The following TENM4 variants were observed in gnomAD, a reference collection of about 807,000 sequenced individuals.
The protein encoded by TENM4 is teneurin-4.
In TENM4, 82 loss-of-function variants were observed where a neutral mutation model predicts 243.3. The ratio of observed to expected loss-of-function variants is 0.34; its 90% CI spans 0.28 to 0.40. The LOEUF (loss-of-function observed/expected upper bound fraction) is 0.40. TENM4 is among the 10% of genes least tolerant of loss of function. TENM4 has a pLI of 1.00. For synonymous variants in TENM4, 1,412 were observed against 1,456.3 expected (o/e 0.97, Z 0.69); for missense variants, 3,138 against 3,673.3 (o/e 0.85, Z 3.77).
At chr11:79,047,083 G>T (rs1462513786) in intron 6 of TENM4, among the ~76,000 whole-genome samples, 2 of 152,158 alleles carry the variant, frequency 1.3e-5, no homozygotes, top group African/African-American at 4.8e-5. Flanking sequence ...CTGTGAAAAG[G>T]TTTCACGGCA....
chr11:79,324,894 C>G (rs1370839138), intron 1 of TENM4, among the ~76,000 whole-genome samples: 1 of 152,088 alleles, frequency 6.6e-6, no homozygotes, highest in Non-Finnish European at 1.5e-5. Context: ...GCTGCTCTGC[C>G]TTAGGAGTCA....
chr11:79,159,289 C>A (rs1862692374), intron 3 of TENM4, among the ~76,000 whole-genome samples: 1 of 152,156 alleles, frequency 6.6e-6, no homozygotes, highest in Admixed American at 6.5e-5. Flanking sequence ...ATCGATTGAT[C>A]ACCAAATAAA....
At chr11:79,205,561 G>A (rs1687679215) in intron 3 of TENM4, among the ~76,000 whole-genome samples, 1 of 152,180 alleles carries the variant, frequency 6.6e-6, no homozygotes, top group Non-Finnish European at 1.5e-5. Flanking sequence ...AATGAAATCA[G>A]ACAGTAGTTA....
intron 6 of TENM4, among the ~76,000 whole-genome samples, chr11:78,936,884 G>A (rs1856797707): frequency 6.6e-6 from 1 of 152,116 alleles, no homozygotes; most frequent in Non-Finnish European, 1.5e-5. Flanking sequence ...CAAAATCAAG[G>A]TGGGGTTCAC....
At chr11:78,944,882 G>A (rs1856977727) in intron 6 of TENM4, among the ~76,000 whole-genome samples, 1 of 152,222 alleles carries the variant, frequency 6.6e-6, no homozygotes, top group Non-Finnish European at 1.5e-5. Flanking sequence ...CTGCCAGTAA[G>A]TGGCATGGCT....
At chr11:79,197,592 C>A (rs1423354824) in intron 3 of TENM4, among the ~76,000 whole-genome samples, 1 of 152,196 alleles carries the variant, frequency 6.6e-6, no homozygotes, top group Admixed American at 6.5e-5. Context: ...CTAATCCTTT[C>A]CACTTCCATC....
chr11:79,264,198 T>C (rs1855844357), intron 2 of TENM4, among the ~76,000 whole-genome samples: 1 of 152,170 alleles, frequency 6.6e-6, no homozygotes, highest in Admixed American at 6.5e-5. Flanking sequence ...ACGGGAGCAG[T>C]GAAAACATGG....
intron 3 of TENM4, among the ~76,000 whole-genome samples, chr11:79,192,451 T>G (rs1863534780): frequency 6.6e-6 from 1 of 152,230 alleles, no homozygotes; most frequent in African/African-American, 2.4e-5. Flanking sequence ...GGGATCCTGT[T>G]GATCTGTGAC....
At position 79,011,895 on chromosome 11, in the gene TENM4, T is replaced by C. The variant is rs578090092; in HGVS notation, c.493+52843A>G. 2.6e-5 allele frequency among the ~76,000 whole-genome samples: 4 copies of C among 152,356 alleles called. 1 individual carries two copies. Among genetic ancestry groups the C allele is most frequent in the Admixed American group, 2.6e-4 (4 of 15,304 alleles). On this transcript the variant is annotated intron_variant, in intron 6 of 33. Transcript: ENST00000278550. ...CTCTGTCATTCTGATTCAGACTAAATACCGATACAGTTCCTTCTCAGTTCC... is the reference window on the plus strand; with the variant it reads ...CTCTGTCATTCTGATTCAGACTAAACACCGATACAGTTCCTTCTCAGTTCC...
Position 79,306,075 on chromosome 11 carries a change from C to T in TENM4, c.-320-8532G>A, listed in dbSNP as rs141738134. 2.3e-4 allele frequency among the ~76,000 whole-genome samples: 35 copies of T among 152,364 alleles called. No homozygotes were observed. In the East Asian group the frequency reaches 3.7e-3, roughly 16 times the overall value. ...CCTGCACCACTCAAGTCTGGAGCCACGGACAGGGTGACTGGGCTGCTGCCC... is the reference window on the plus strand; with the variant it reads ...CCTGCACCACTCAAGTCTGGAGCCATGGACAGGGTGACTGGGCTGCTGCCC... On this transcript the variant is annotated intron_variant, in intron 1 of 33. Transcript: ENST00000278550.
At chr11:79,082,107 G>T (rs369574465) in intron 4 of TENM4, among the ~76,000 whole-genome samples, 78 of 152,258 alleles carry the variant, frequency 5.1e-4, no homozygotes, top group African/African-American at 1.7e-3. Flanking sequence ...TGCATCCAGG[G>T]TTTGCTGGGT....
At chr11:79,173,468 G>A (rs867242066) in intron 3 of TENM4, among the ~76,000 whole-genome samples, 2 of 151,980 alleles carry the variant, frequency 1.3e-5, no homozygotes, top group African/African-American at 4.8e-5. Flanking sequence ...CTCATCCAAC[G>A]TGGCCTATCA....
chr11:79,351,881 T>C (rs896280761), intron 1 of TENM4, among the ~76,000 whole-genome samples: 2 of 152,142 alleles, frequency 1.3e-5, no homozygotes. Flanking sequence ...TCAACAAGCC[T>C]AGATTGGAGC....
chr11:79,429,435 G>A (rs1859122204), intron 1 of TENM4, among the ~76,000 whole-genome samples: 1 of 152,096 alleles, frequency 6.6e-6, no homozygotes, highest in Non-Finnish European at 1.5e-5. Flanking sequence ...GGAGATAGTG[G>A]GGAAAAGAGC....
chr11:79,137,040 G>A (rs534062972), intron 4 of TENM4, among the ~76,000 whole-genome samples: 1 of 152,188 alleles, frequency 6.6e-6, no homozygotes, highest in African/African-American at 2.4e-5. Flanking sequence ...AGGAATCAGG[G>A]GGTGGAAGTG....
intron 6 of TENM4, among the ~76,000 whole-genome samples, chr11:79,032,802 A>C (rs1339513499): frequency 6.6e-6 from 1 of 152,236 alleles, no homozygotes; most frequent in Non-Finnish European, 1.5e-5. Flanking sequence ...AGGAAAGGCG[A>C]TACTAATAAA....
chr11:79,102,623 C>T (rs942881947), intron 4 of TENM4, among the ~76,000 whole-genome samples: 4 of 152,308 alleles, frequency 2.6e-5, no homozygotes, highest in Admixed American at 2.6e-4. Flanking sequence ...CCTTGCACAC[C>T]GTAAGCACCA....
intron 7 of TENM4, among the ~76,000 whole-genome samples, chr11:78,902,224 TC>T (rs1397751707): frequency 1.3e-5 from 2 of 152,222 alleles, no homozygotes; most frequent in Non-Finnish European, 1.5e-5. Flanking sequence ...ACAGCGCTTA[TC>T]TCAGAGTGGT....
At chr11:78,668,300 A>C (rs1238386107) in intron 32 of TENM4, among the ~76,000 whole-genome samples, 7 of 150,534 alleles carry the variant, frequency 4.7e-5, no homozygotes, top group Non-Finnish European at 8.9e-5. Context: ...TTATCTTTTT[A>C]GTGGTTTCTC....
Sources: gnomAD v4.1 joint callset for allele counts (sites outside exome capture counted in the v4.1 genomes callset) on GRCh38, gnomAD v4.1.1 for gene constraint, MANE v1.5 for transcripts, NCBI Gene and HGNC (gene_info 2026-07-23, HGNC 2026-07-21) for gene names.